Variants in JAK2 observed in about 807,000 individuals in gnomAD.
The protein encoded by JAK2 is tyrosine-protein kinase JAK2.
Under a neutral mutation model 139.3 loss-of-function variants are expected in JAK2, and 86 were observed. The observed-to-expected ratio is 0.62, with a 90% CI of 0.52 to 0.74. JAK2 has a LOEUF of 0.74. JAK2 is among the 30% of genes least tolerant of loss of function. The pLI is 0.00. For missense variants in JAK2, 1,421 were observed against 1,360.3 expected (o/e 1.04, Z -0.70); for synonymous variants, 490 against 437.7 (o/e 1.12, Z -1.49).
chr9:5,014,392 A>C (rs573465630), intron 2 of JAK2, among the ~76,000 whole-genome samples: 1 of 152,150 alleles, frequency 6.6e-6, no homozygotes. Context: ...CATTTATTCA[A>C]CAACTTTCAT....
At chr9:5,011,012 T>TC (rs1821667497) in intron 2 of JAK2, among the ~76,000 whole-genome samples, 1 of 152,214 alleles carries the variant, frequency 6.6e-6, no homozygotes, top group South Asian at 2.1e-4. Flanking sequence ...TTGTCTTGGT[T>TC]CTCCTGTATG....
At chr9:5,111,205 G>A (rs558154498) in intron 22 of JAK2, 5 of 626,346 alleles carry the variant, frequency 8.0e-6, no homozygotes, top group African/African-American at 3.8e-5. Flanking sequence ...ACCGGGACTC[G>A]GAGGCAAGAG....
rs541076696 is a variant in JAK2 at position 5,080,292 on chromosome 9, T to C, written c.2195T>C (p.Leu732Ser). 2.5e-6 allele frequency: 4 copies of C among 1,613,762 alleles called. No homozygotes were observed. The African/African-American group carries it at 5.3e-5, about 22-fold the overall frequency. Residue 732 changes from leucine (L) to serine (S), a missense_variant, in exon 17 of 25, where the codon TTG becomes TCG. Leu to Ser is a moderately radical substitution (Grantham distance 145). Transcript: ENST00000381652. ...ECIENPKNLN[L>S]ATDKWSFGTT... ...ATTGAAAATCCTAAAAATTTAAATT[T>C]GGCAACAGACAAATGGAGTTTTGGT... is the stretch of plus-strand genomic sequence containing the variant.
chr9:5,070,998 C>T (rs1054384676), intron 12 of JAK2, among the ~76,000 whole-genome samples: 1 of 152,066 alleles, frequency 6.6e-6, no homozygotes, highest in African/African-American at 2.4e-5. Flanking sequence ...AAAATTCACC[C>T]ACTAGCAAGC....
At position 5,045,411 on chromosome 9, in the gene JAK2, A is replaced by C. The variant is rs1178073670; in HGVS notation, c.468+891A>C. ...AACAAACTTTATTTTTATTGTGGTA[A>C]GAGATATATAATAAAAATGACCATT... On this transcript the variant is annotated intron_variant, in intron 5 of 24. Transcript: ENST00000381652. Among the ~76,000 whole-genome samples the C allele has an allele frequency of 2.6e-5, 4 of 152,196 alleles. 1 individual carries two copies.
At chr9:5,095,357 T>G (rs1422996942) in intron 22 of JAK2, among the ~76,000 whole-genome samples, 1 of 152,042 alleles carries the variant, frequency 6.6e-6, no homozygotes, top group Non-Finnish European at 1.5e-5. Context: ...ACCCCCATCT[T>G]GATTAAAAAA....
chr9:5,095,719 G>A (rs1364794558), intron 22 of JAK2, among the ~76,000 whole-genome samples: 2 of 152,060 alleles, frequency 1.3e-5, no homozygotes, highest in Admixed American at 6.6e-5. Context: ...TAACGTAAGC[G>A]GTTGAGGAGG....
In JAK2 at chr9:5,044,537, T is replaced by C. The variant is rs758092982; in HGVS notation, c.468+17T>C. 3.6e-6 allele frequency: 5 copies of C among 1,382,834 alleles called. No individual in the cohort carries two copies. The highest frequency in any genetic ancestry group is 5.0e-6 in the Non-Finnish European group (5 of 990,572). 85.7% of individuals were successfully genotyped at this position (1,382,834 alleles called of 1,614,324 possible). A position where few individuals can be genotyped will look rare whatever the true frequency, so the allele number is the denominator to read the frequency against. On this transcript the variant is annotated intron_variant, in intron 5 of 24. Transcript: ENST00000381652. ...TTTGCTCAGGTATGATTATATTATC[T>C]TACTTGTACATGAGTTAAATGATAA...
At chr9:5,060,893 AG>A (rs1818122036) in intron 8 of JAK2, among the ~76,000 whole-genome samples, 1 of 152,234 alleles carries the variant, frequency 6.6e-6, no homozygotes. Context: ...AAGACTTGAA[AG>A]TTGAAATTAC....
chr9:5,085,610 A>C (rs1820027418), intron 19 of JAK2: 3 of 699,886 alleles, frequency 4.3e-6, no homozygotes, highest in Non-Finnish European at 2.7e-6. Context: ...GAAAGAATTA[A>C]ATCTCCAGCA....
intron 4 of JAK2, among the ~76,000 whole-genome samples, chr9:5,038,102 G>A (rs939450953): frequency 2.0e-5 from 3 of 152,112 alleles, no homozygotes; most frequent in African/African-American, 7.2e-5. Context: ...GGCCATTAAT[G>A]ATTTGTTCTT....
chr9:5,023,048 A>G lies in JAK2; in HGVS notation c.226+835A>G, dbSNP rs185548787. ...AAGTTCCTTCTAGCTATTTTGAAAA[A>G]TACAATACATTGTTGTTAACTATAG... is the stretch of plus-strand genomic sequence containing the variant. On this transcript the variant is annotated intron_variant, in intron 3 of 24. Coordinates refer to ENST00000381652, the MANE Select transcript of JAK2 (RefSeq NM_004972.4). Among the ~76,000 whole-genome samples the G allele has an allele frequency of 3.7e-3, 559 of 152,352 alleles. 4 individuals carry two copies. Among genetic ancestry groups the G allele is most frequent in the African/African-American group, 0.013 (531 of 41,578 alleles).
intron 22 of JAK2, among the ~76,000 whole-genome samples, chr9:5,103,598 C>T (rs1821705510): frequency 6.6e-6 from 1 of 152,132 alleles, no homozygotes; most frequent in African/African-American, 2.4e-5. Context: ...AACCCTCCAC[C>T]CCAAATCAAC....
intron 22 of JAK2, among the ~76,000 whole-genome samples, chr9:5,121,111 T>C (rs1321334088): frequency 6.6e-6 from 1 of 152,092 alleles, no homozygotes; most frequent in Non-Finnish European, 1.5e-5. Flanking sequence ...GGCAGAATAG[T>C]AGTAGTAGTG....
intron 22 of JAK2, among the ~76,000 whole-genome samples, chr9:5,104,033 C>T (rs1821750919): frequency 6.6e-6 from 1 of 152,108 alleles, no homozygotes; most frequent in Non-Finnish European, 1.5e-5. Flanking sequence ...CAAACAAATT[C>T]AAAAGCTAGC....
rs187565510 is a variant in JAK2 at position 5,027,249 on chromosome 9, G to A, written c.227-2534G>A. Among the ~76,000 whole-genome samples the A allele has an allele frequency of 9.2e-5, 14 of 152,272 alleles. No individual in the cohort carries two copies. The East Asian group carries it at 2.5e-3, about 27-fold the overall frequency. On this transcript the variant is annotated intron_variant, in intron 3 of 24. Coordinates refer to ENST00000381652, the MANE Select transcript of JAK2 (RefSeq NM_004972.4). ...GGGTTTGGTTCCAGACTATCGCAGT[G>A]AAGCAAATATTGCAATAAAGCAAAT...
At chr9:5,042,628 A>G (rs1816679936) in intron 4 of JAK2, among the ~76,000 whole-genome samples, 1 of 140,560 alleles carries the variant, frequency 7.1e-6, no homozygotes, top group Non-Finnish European at 1.5e-5. Flanking sequence ...CGTTAGCGTC[A>G]TAAAGTCCAG....
chr9:5,109,230 T>G (rs1366694858), intron 22 of JAK2: 1 of 152,196 alleles, frequency 6.6e-6, no homozygotes, highest in African/African-American at 2.4e-5. Context: ...CATTAATATT[T>G]ATACATGTTA....
intron 23 of JAK2, among the ~76,000 whole-genome samples, chr9:5,123,486 C>T (rs908142282): frequency 2.0e-5 from 3 of 151,910 alleles, no homozygotes; most frequent in African/African-American, 4.8e-5. Flanking sequence ...TAATTTCATT[C>T]GTTGTTATGG....
Sources: gnomAD v4.1 joint callset for allele counts (sites outside exome capture counted in the v4.1 genomes callset) on GRCh38, gnomAD v4.1.1 for gene constraint, MANE v1.5 for transcripts, NCBI Gene and HGNC (gene_info 2026-07-23, HGNC 2026-07-21) for gene names.